Variants in GDA observed in about 807,000 individuals in gnomAD.
GDA encodes cytoplasmic PSD-95 interactor.
A neutral mutation model predicts 59.6 loss-of-function variants in GDA; 18 were observed. That is an observed-to-expected ratio of 0.30 (90% CI 0.21 to 0.45). The LOEUF (loss-of-function observed/expected upper bound fraction) is 0.45. Among genes scored for constraint, GDA ranks in the 20% least tolerant of loss-of-function variants. The probability of loss-of-function intolerance (pLI) is 1.00; values close to 1 mark genes in which losing one functional copy is unlikely to be tolerated. For synonymous variants in GDA, 201 were observed against 201.1 expected (o/e 1.00, Z 0.00); for missense variants, 427 against 552.3 (o/e 0.77, Z 2.27).
chr9:72,228,015 G>A lies in GDA; in HGVS notation c.895G>A (p.Ala299Thr), dbSNP rs748443792. 3.2e-6 allele frequency: 5 copies of A among 1,586,146 alleles called. No individual in the cohort carries two copies. Among genetic ancestry groups the A allele is most frequent in the South Asian group, 2.2e-5 (2 of 89,976 alleles). ...ATTCCATGAACGAGGAGCATCCATCGCACACTGTCCCAATTCTAATTTATC... is the reference window on the plus strand; with the variant it reads ...ATTCCATGAACGAGGAGCATCCATCACACACTGTCCCAATTCTAATTTATC... ...NVFHERGASI[A>T]HCPNSNLSLS... The change falls in exon 9 of 14, where the codon GCA becomes ACA. Residue 299 changes from alanine (A) to threonine (T), a missense_variant. Physicochemically the swap from Ala to Thr is moderately conservative, Grantham distance 58 (BLOSUM62 0). Transcript: ENST00000358399.
upstream of GDA, among the ~76,000 whole-genome samples, chr9:72,144,699 T>C (rs1365845078): frequency 6.6e-6 from 1 of 152,184 alleles, no homozygotes; most frequent in African/African-American, 2.4e-5. Flanking sequence ...CTGGCATAAC[T>C]ACACTATACA....
At position 72,245,198 on chromosome 9, in the gene GDA, GA is replaced by G. The variant is rs1282205470; in HGVS notation, c.1187del (p.Asp396ValfsTer4). 1 of 1,612,814 alleles carries G rather than the reference GA, an allele frequency of 6.2e-7. No homozygotes were observed. The highest frequency in any genetic ancestry group is 8.5e-7 in the Non-Finnish European group (1 of 1,178,930). ...AAACTTTGAAGTGGGCAAGGAATTT[GA>G]TGCCATCCTGATCAACCCCAAAGCA... ...IGNFEVGKEFDAILINPKASD... is the reference protein window; with the variant it reads ...IGNFEVGKEFXAILINPKASD... On this transcript the variant is annotated frameshift_variant, in exon 12 of 14. Coordinates refer to ENST00000358399, the MANE Select transcript of GDA (RefSeq NM_004293.5). LOFTEE classifies it high-confidence loss of function.
At chr9:72,228,188 T>A in intron 9 of GDA, 148 bp downstream of exon 9, 1 of 624,528 alleles carries the variant, frequency 1.6e-6, no homozygotes, top group South Asian at 1.9e-5. Context: ...TTACTCGTGC[T>A]GTTGAGGAGT....
intron 10 of GDA, among the ~76,000 whole-genome samples, chr9:72,232,713 T>C (rs1360295253): frequency 6.6e-6 from 1 of 152,224 alleles, no homozygotes; most frequent in Non-Finnish European, 1.5e-5. Flanking sequence ...TTTGGATTGT[T>C]TAGTGATGGT....
intron 10 of GDA, among the ~76,000 whole-genome samples, chr9:72,240,144 A>T (rs1391160937): frequency 2.0e-5 from 3 of 152,182 alleles, no homozygotes; most frequent in South Asian, 4.1e-4. Context: ...ACTTTATTTA[A>T]ATCACTAAAA....
intron 1 of GDA, among the ~76,000 whole-genome samples, chr9:72,194,645 C>G (rs11143159): frequency 0.028 from 4,262 of 151,986 alleles, 202 homozygotes; most frequent in African/African-American, 0.097. Context: ...GTGTTCCCCC[C>G]CTTCCCGGCC....
At chr9:72,257,178 T>C (rs1564236061), downstream of GDA, 1 of 152,218 alleles carries the variant, frequency 6.6e-6, no homozygotes, top group Non-Finnish European at 1.5e-5. Context: ...CATCAACACC[T>C]GGAGACCTTT....
intron 1 of GDA, among the ~76,000 whole-genome samples, chr9:72,169,566 T>C (rs369340361): frequency 2.8e-4 from 43 of 152,350 alleles, no homozygotes; most frequent in African/African-American, 9.6e-4. Context: ...CACTCTAATT[T>C]CTTTGCAGGT....
In GDA at chr9:72,245,254, G is replaced by A; in HGVS notation, c.1242G>A (p.Gly414=). 1 of 1,611,062 alleles carries A rather than the reference G, an allele frequency of 6.2e-7. No homozygotes were observed. ...ASDSPIDLFY[G]DFFGDISEAV... ...ACTCTCCCATTGACCTGTTTTATGG[G>A]GACTTTTTTGGTGATATTTCTGAGG... The change falls in exon 12 of 14, where the codon GGG becomes GGA. Residue 414 remains glycine (G), a synonymous_variant. Transcript: ENST00000358399.
chr9:72,176,927 AAC>A (rs1167302246), intron 1 of GDA, among the ~76,000 whole-genome samples: 4 of 152,130 alleles, frequency 2.6e-5, no homozygotes, highest in Non-Finnish European at 4.4e-5. Context: ...CAGAACTGAA[AAC>A]ACACTACTAA....
At chr9:72,198,861 A>ATATATATATATATATATAT (rs1491123372) in intron 2 of GDA, among the ~76,000 whole-genome samples, 35 of 147,850 alleles carry the variant, frequency 2.4e-4, no homozygotes, top group African/African-American at 4.7e-4. Flanking sequence ...ATATATATAT[A>ATATATATATATATATATAT]AAATTTTTTT....
intron 5 of GDA, among the ~76,000 whole-genome samples, chr9:72,215,089 G>C (rs1169008841): frequency 6.6e-6 from 1 of 152,162 alleles, no homozygotes; most frequent in African/African-American, 2.4e-5. Flanking sequence ...TAAGTAAAGA[G>C]AATAAAAGAG....
chr9:72,150,905 T>A (rs190651298), intron 1 of GDA, among the ~76,000 whole-genome samples: 3 of 152,260 alleles, frequency 2.0e-5, no homozygotes, highest in Admixed American at 2.0e-4. Context: ...GGGGACTTGG[T>A]CCTCAAGTTT....
chr9:72,117,536 A>C (rs568903915), intron 1 of GDA, among the ~76,000 whole-genome samples: 19 of 152,174 alleles, frequency 1.2e-4, no homozygotes, highest in Non-Finnish European at 2.6e-4. Context: ...CTTTGATTTC[A>C]AGGTGGTAGT....
chr9:72,151,460 C>T (rs943798947), intron 1 of GDA, among the ~76,000 whole-genome samples: 1 of 151,980 alleles, frequency 6.6e-6, no homozygotes, highest in African/African-American at 2.4e-5. Context: ...TCCCCCATTT[C>T]AAAATGGAGA....
intron 1 of GDA, among the ~76,000 whole-genome samples, chr9:72,118,787 G>C (rs918872668): frequency 6.6e-6 from 1 of 152,168 alleles, no homozygotes; most frequent in Non-Finnish European, 1.5e-5. Flanking sequence ...CTCATATACT[G>C]ATGGTGAGAA....
At chr9:72,221,753 T>A (rs1006269575) in intron 6 of GDA, among the ~76,000 whole-genome samples, 6 of 152,188 alleles carry the variant, frequency 3.9e-5, no homozygotes, top group Admixed American at 3.3e-4. Context: ...TGTTCCCCTC[T>A]ATGGGTCCAT....
At chr9:72,218,395 A>T (rs776592025) in intron 5 of GDA, among the ~76,000 whole-genome samples, 1 of 152,204 alleles carries the variant, frequency 6.6e-6, no homozygotes, top group Non-Finnish European at 1.5e-5. Flanking sequence ...GGCTGCTTAC[A>T]TGCTCACAGA....
At chr9:72,177,625 C>T (rs10869138) in intron 1 of GDA, among the ~76,000 whole-genome samples, 119,887 of 151,624 alleles carry the variant, frequency 0.79, 47,474 homozygotes, top group Middle Eastern at 0.84. Context: ...CAGTGCTTGC[C>T]AACTCCTTCT....
Sources: allele counts gnomAD v4.1 joint callset (sites outside exome capture counted in the v4.1 genomes callset), GRCh38; gene constraint gnomAD v4.1.1; transcripts MANE v1.5; gene names NCBI Gene and HGNC (gene_info 2026-07-23, HGNC 2026-07-21).